Variants in ZNF407 observed in about 807,000 individuals in gnomAD.
The protein encoded by ZNF407 is zinc finger protein 407.
In ZNF407, 17 loss-of-function variants were observed where a neutral mutation model predicts 131.2. That is an observed-to-expected ratio of 0.13 (90% CI 0.09 to 0.19). The LOEUF (loss-of-function observed/expected upper bound fraction) is 0.19, where lower values mean the gene tolerates loss of function less well. Among genes scored for constraint, ZNF407 ranks in the 10% least tolerant of loss-of-function variants. The pLI is 1.00. For missense variants in ZNF407, 2,681 were observed against 2,830.6 expected (o/e 0.95, Z 1.20); for synonymous variants, 1,156 against 1,062.0 (o/e 1.09, Z -1.72).
intron 8 of ZNF407, among the ~76,000 whole-genome samples, chr18:74,938,788 G>A (rs1333439771): frequency 6.6e-6 from 1 of 152,208 alleles, no homozygotes; most frequent in Non-Finnish European, 1.5e-5. Flanking sequence ...AATTTTCTAA[G>A]AAGGACCATC....
chr18:74,969,028 C>T (rs1049917946), intron 8 of ZNF407, among the ~76,000 whole-genome samples: 1 of 152,184 alleles, frequency 6.6e-6, no homozygotes. Flanking sequence ...ATGGTATCCT[C>T]TGTCATCGCC....
intron 3 of ZNF407, among the ~76,000 whole-genome samples, chr18:74,741,216 C>T (rs552554773): frequency 7.9e-5 from 12 of 151,886 alleles, no homozygotes; most frequent in Non-Finnish European, 1.0e-4. Context: ...ATAGTCAGGT[C>T]GGGAGCATTT....
At position 74,631,553 on chromosome 18, in the gene ZNF407, C is replaced by T; in HGVS notation, c.534C>T (p.Thr178=). 1 of 1,613,710 alleles carries T rather than the reference C, an allele frequency of 6.2e-7. No individual in the cohort carries two copies. The highest frequency in any genetic ancestry group is 8.5e-7 in the Non-Finnish European group (1 of 1,179,890). ...CGAAAGAAATTAGTGTTAGTTGTAC[C>T]ATTGGGAATGTAGATACAGTTCTCA... ...FPPKEISVSC[T]IGNVDTVLKC... The change falls in exon 2 of 9, where the codon ACC becomes ACT. Residue 178 remains threonine, a synonymous_variant. Coordinates refer to ENST00000299687, the MANE Select transcript of ZNF407 (RefSeq NM_017757.3).
At chr18:74,680,723 C>A (rs956949400) in intron 3 of ZNF407, among the ~76,000 whole-genome samples, 1 of 151,974 alleles carries the variant, frequency 6.6e-6, no homozygotes, top group Admixed American at 6.6e-5. Flanking sequence ...GAAGGCTGAA[C>A]CTGTATCTCT....
intron 8 of ZNF407, among the ~76,000 whole-genome samples, chr18:74,938,936 C>A (rs1972068328): frequency 6.6e-6 from 1 of 152,204 alleles, no homozygotes; most frequent in South Asian, 2.1e-4. Context: ...ACAGCTCACT[C>A]TCTTGTCCTT....
intron 1 of ZNF407, among the ~76,000 whole-genome samples, chr18:74,627,690 G>A (rs1983845571): frequency 6.6e-6 from 1 of 152,056 alleles, no homozygotes; most frequent in Non-Finnish European, 1.5e-5. Context: ...TATAAACAAA[G>A]CGTTCTGTAA....
At chr18:74,904,139 A>G (rs1971564907) in intron 7 of ZNF407, among the ~76,000 whole-genome samples, 1 of 152,224 alleles carries the variant, frequency 6.6e-6, no homozygotes, top group Non-Finnish European at 1.5e-5. Flanking sequence ...AGTCTGCTGC[A>G]TGTTTTTAGC....
At chr18:75,024,390 A>G (rs2122209370) in intron 8 of ZNF407, among the ~76,000 whole-genome samples, 1 of 152,338 alleles carries the variant, frequency 6.6e-6, no homozygotes, top group East Asian at 1.9e-4. Flanking sequence ...TAAAGAATAC[A>G]GGAAAAAAAT....
intron 3 of ZNF407, among the ~76,000 whole-genome samples, chr18:74,672,437 C>T (rs1189373601): frequency 1.3e-5 from 2 of 149,158 alleles, no homozygotes; most frequent in Non-Finnish European, 3.0e-5. Flanking sequence ...CGTTGGAGCA[C>T]TGTTTGTCTG....
At chr18:74,795,830 T>C (rs550944435) in intron 4 of ZNF407, among the ~76,000 whole-genome samples, 2 of 152,368 alleles carry the variant, frequency 1.3e-5, no homozygotes, top group African/African-American at 4.8e-5. Flanking sequence ...GCTTTGACCC[T>C]GGTATCATCC....
At chr18:74,985,773 A>T (rs1451793793) in intron 8 of ZNF407, among the ~76,000 whole-genome samples, 1 of 152,096 alleles carries the variant, frequency 6.6e-6, no homozygotes, top group African/African-American at 2.4e-5. Context: ...AGTACAAAAA[A>T]CTGTCATTGC....
intron 8 of ZNF407, among the ~76,000 whole-genome samples, chr18:75,046,225 C>G (rs1973433923): frequency 6.6e-6 from 1 of 152,140 alleles, no homozygotes. Context: ...TTTAAAAATA[C>G]AGCAACATGG....
chr18:74,629,665 A>C (rs1983959195), intron 1 of ZNF407, among the ~76,000 whole-genome samples: 1 of 152,178 alleles, frequency 6.6e-6, no homozygotes, highest in Non-Finnish European at 1.5e-5. Context: ...AATAGGCTCC[A>C]TTTGATTTGT....
At chr18:74,671,093 G>C (rs750208216) in intron 3 of ZNF407, among the ~76,000 whole-genome samples, 1 of 152,166 alleles carries the variant, frequency 6.6e-6, no homozygotes, top group Non-Finnish European at 1.5e-5. Context: ...GATAAGCCCT[G>C]AGTGCCCGTC....
At position 74,811,132 on chromosome 18, in the gene ZNF407, A is replaced by G. The variant is rs532276949; in HGVS notation, c.4877+29630A>G. Among the ~76,000 whole-genome samples, 7 of 152,274 alleles carry G rather than the reference A, an allele frequency of 4.6e-5. No homozygotes were observed. In the South Asian group the frequency reaches 1.5e-3, roughly 32 times the overall value. ...ATTTTCGCAACCTACTCATCTGACAAAGGGCTAATATCCAGAATCTACAAT... is the reference window on the plus strand; with the variant it reads ...ATTTTCGCAACCTACTCATCTGACAGAGGGCTAATATCCAGAATCTACAAT... On this transcript the variant is annotated intron_variant, in intron 4 of 8. Coordinates refer to ENST00000299687, the MANE Select transcript of ZNF407 (RefSeq NM_017757.3).
intron 4 of ZNF407, among the ~76,000 whole-genome samples, chr18:74,845,701 A>G (rs1045978236): frequency 7.2e-5 from 11 of 152,238 alleles, no homozygotes; most frequent in African/African-American, 2.7e-4. Flanking sequence ...TTTGCAAGGA[A>G]AAGATTGAGT....
intron 4 of ZNF407, among the ~76,000 whole-genome samples, chr18:74,864,283 G>A (rs184478050): frequency 1.6e-4 from 25 of 152,234 alleles, no homozygotes; most frequent in Non-Finnish European, 7.4e-5. Flanking sequence ...GACTGGATTT[G>A]GTATAAGGTT....
At chr18:74,994,889 G>T (rs1972762519) in intron 8 of ZNF407, among the ~76,000 whole-genome samples, 1 of 152,114 alleles carries the variant, frequency 6.6e-6, no homozygotes. Context: ...GAGGGTGGAA[G>T]AAGTTTATTA....
intron 8 of ZNF407, among the ~76,000 whole-genome samples, chr18:74,979,659 A>G (rs985111897): frequency 2.6e-5 from 4 of 152,248 alleles, no homozygotes; most frequent in Non-Finnish European, 5.9e-5. Flanking sequence ...CTAAGATAGC[A>G]GTGGAAAAAT....
Sources: allele counts gnomAD v4.1 joint callset (sites outside exome capture counted in the v4.1 genomes callset), GRCh38; gene constraint gnomAD v4.1.1; transcripts MANE v1.5; gene names NCBI Gene and HGNC (gene_info 2026-07-23, HGNC 2026-07-21).